The following ANO2 variants were observed in gnomAD, a reference collection of about 807,000 sequenced individuals.
The protein encoded by ANO2 is anoctamin 2.
Under a neutral mutation model 124.2 loss-of-function variants are expected in ANO2, and 101 were observed. That is an observed-to-expected ratio of 0.81 (90% CI 0.69 to 0.96). The LOEUF is 0.96. ANO2 is among the 40% of genes least tolerant of loss of function. The probability of loss-of-function intolerance (pLI) is 0.00; values close to 1 mark genes in which losing one functional copy is unlikely to be tolerated. For synonymous variants in ANO2, 486 were observed against 482.5 expected (o/e 1.01, Z -0.09); for missense variants, 1,293 against 1,274.5 (o/e 1.01, Z -0.22).
chr12:5,903,224 A>G (rs1464763814), intron 3 of ANO2, among the ~76,000 whole-genome samples: 1 of 152,052 alleles, frequency 6.6e-6, no homozygotes, highest in Non-Finnish European at 1.5e-5. Flanking sequence ...ACTTACAGGT[A>G]GGTCATCCCA....
At chr12:5,868,574 C>T (rs750370759) in intron 3 of ANO2, among the ~76,000 whole-genome samples, 1 of 152,178 alleles carries the variant, frequency 6.6e-6, no homozygotes, top group Non-Finnish European at 1.5e-5. Flanking sequence ...TGTCTTCTGG[C>T]CAGAATAATT....
chr12:5,814,685 C>A (rs918163637), intron 7 of ANO2, among the ~76,000 whole-genome samples: 10 of 152,236 alleles, frequency 6.6e-5, no homozygotes, highest in Non-Finnish European at 1.0e-4. Flanking sequence ...TCCCCAGGTC[C>A]ACAACATGAA....
At chr12:5,813,518 A>C (rs747372140) in intron 7 of ANO2, among the ~76,000 whole-genome samples, 11 of 152,172 alleles carry the variant, frequency 7.2e-5, no homozygotes, top group Admixed American at 1.3e-4. Context: ...TTCTGATGCC[A>C]ATTACATGCA....
chr12:5,940,402 C>T (rs12367467), intron 1 of ANO2, among the ~76,000 whole-genome samples: 2 of 152,054 alleles, frequency 1.3e-5, no homozygotes, highest in African/African-American at 2.4e-5. Context: ...TTTTAGAAGT[C>T]GAAGAGCCAC....
chr12:5,937,312 G>A (rs900366762), intron 1 of ANO2, among the ~76,000 whole-genome samples: 1 of 152,280 alleles, frequency 6.6e-6, no homozygotes, highest in African/African-American at 2.4e-5. Flanking sequence ...AATGACTGGT[G>A]ACGTCGAGGA....
At chr12:5,804,676 A>G (rs1186687145) in intron 9 of ANO2, among the ~76,000 whole-genome samples, 2 of 152,234 alleles carry the variant, frequency 1.3e-5, no homozygotes, top group East Asian at 3.8e-4. Flanking sequence ...GTTAAAAGGC[A>G]TTGCTGTGGT....
At chr12:5,662,412 G>A (rs1217019463) in intron 14 of ANO2, among the ~76,000 whole-genome samples, 1 of 152,134 alleles carries the variant, frequency 6.6e-6, no homozygotes, top group Non-Finnish European at 1.5e-5. Flanking sequence ...GAAATGTGTT[G>A]GTAATTTTTA....
At chr12:5,640,739 G>A (rs1293248704) in intron 15 of ANO2, among the ~76,000 whole-genome samples, 1 of 152,220 alleles carries the variant, frequency 6.6e-6, no homozygotes, top group South Asian at 2.1e-4. Context: ...TGCTGGAGAG[G>A]ATGCGGAGAA....
intron 7 of ANO2, among the ~76,000 whole-genome samples, chr12:5,820,676 T>C (rs1953766835): frequency 6.6e-6 from 1 of 152,144 alleles, no homozygotes; most frequent in Admixed American, 6.5e-5. Flanking sequence ...TGTGCAGAGA[T>C]TAGTGCCACC....
intron 10 of ANO2, among the ~76,000 whole-genome samples, chr12:5,761,618 C>A (rs1053498278): frequency 6.6e-6 from 1 of 152,118 alleles, no homozygotes; most frequent in Non-Finnish European, 1.5e-5. Context: ...ATATGTTTAT[C>A]CATGTGTACA....
At chr12:5,854,021 C>T (rs779981164) in intron 4 of ANO2, 22 bp downstream of exon 4, 7 of 1,607,462 alleles carry the variant, frequency 4.4e-6, no homozygotes, top group Non-Finnish European at 6.0e-6. Context: ...AGGCCCAGAA[C>T]CCAGGAGAAA....
chr12:5,638,237 C>CTTTTTTCTTTTTTTTT (rs1555112223), intron 15 of ANO2, among the ~76,000 whole-genome samples: 2 of 124,850 alleles, frequency 1.6e-5, no homozygotes, highest in Non-Finnish European at 3.4e-5. Flanking sequence ...GTTTCTTTTC[C>CTTTTTTCTTTTTTTTT]TTTTTTTTTT....
intron 23 of ANO2, among the ~76,000 whole-genome samples, chr12:5,573,129 G>A (rs1385612691): frequency 6.6e-6 from 1 of 152,196 alleles, no homozygotes; most frequent in Admixed American, 6.5e-5. Flanking sequence ...GACTGCAGTG[G>A]AACTGGGAGG....
At chr12:5,843,291 T>C (rs1346860613) in intron 4 of ANO2, among the ~76,000 whole-genome samples, 1 of 152,220 alleles carries the variant, frequency 6.6e-6, no homozygotes. Context: ...GGCTCACACC[T>C]GTAATCCCAG....
intron 5 of ANO2, among the ~76,000 whole-genome samples, chr12:5,831,956 C>T (rs560399328): frequency 6.6e-6 from 1 of 152,300 alleles, no homozygotes; most frequent in South Asian, 2.1e-4. Flanking sequence ...CTTTTATTCA[C>T]TCTTCCTAGG....
intron 5 of ANO2, among the ~76,000 whole-genome samples, chr12:5,831,341 C>G (rs1382270153): frequency 6.6e-6 from 1 of 152,128 alleles, no homozygotes; most frequent in Non-Finnish European, 1.5e-5. Context: ...TGTTGATGAA[C>G]CAGTCTTGAA....
At chr12:5,898,875 A>G (rs1267381866) in intron 3 of ANO2, among the ~76,000 whole-genome samples, 1 of 152,214 alleles carries the variant, frequency 6.6e-6, no homozygotes, top group Admixed American at 6.5e-5. Context: ...TTTGTGTACT[A>G]TTCTGATATA....
rs528875284 is a variant in ANO2 at position 5,805,371 on chromosome 12, G to C, written c.990+681C>G. On this transcript the variant is annotated intron_variant, in intron 9 of 24. Transcript: ENST00000682330. The stretch of plus-strand genomic sequence containing the variant: ...AGTTGTTGAAGGTGGGGAGAAGCCA[G>C]CAGGAGGATGGCATAAGGGGATCAT... 7.7e-4 allele frequency among the ~76,000 whole-genome samples: 118 copies of C among 152,276 alleles called. 1 individual carries two copies. The highest frequency in any genetic ancestry group is 2.5e-3 in the African/African-American group (103 of 41,562).
At chr12:5,625,089 C>T (rs78245966) in intron 16 of ANO2, among the ~76,000 whole-genome samples, 7,874 of 152,242 alleles carry the variant, frequency 0.052, 614 homozygotes, top group African/African-American at 0.17. Flanking sequence ...ATGTGTGGCT[C>T]TGTGAGCCAC....
Sources: gnomAD v4.1 joint callset for allele counts (sites outside exome capture counted in the v4.1 genomes callset) on GRCh38, gnomAD v4.1.1 for gene constraint, MANE v1.5 for transcripts, NCBI Gene and HGNC (gene_info 2026-07-23, HGNC 2026-07-21) for gene names.